The following USH2A variants were observed in gnomAD, a reference collection of about 807,000 sequenced individuals.
The protein encoded by USH2A is usherin.
A neutral mutation model predicts 538.9 loss-of-function variants in USH2A; 443 were observed. That is an observed-to-expected ratio of 0.82 (90% CI 0.76 to 0.89). The LOEUF (loss-of-function observed/expected upper bound fraction) is 0.89. Among genes scored for constraint, USH2A ranks in the 40% least tolerant of loss-of-function variants. The pLI is 0.00. For missense variants in USH2A, 6,633 were observed against 6,324.8 expected (o/e 1.05, Z -1.65); for synonymous variants, 2,413 against 2,273.5 (o/e 1.06, Z -1.75).
rs770198103 is a variant in USH2A at position 215,758,632 on chromosome 1, A to C, written c.11352T>G (p.Ile3784Met). 8 of 1,613,662 alleles carry C rather than the reference A, an allele frequency of 5.0e-6. No homozygotes were observed. In the South Asian group the frequency reaches 8.8e-5, roughly 18 times the overall value. ...AAGCTACAAATATAGAATAAGGCCC[A>C]ATTACTGTGATATTATATGGAGGAT... ...EIYPPYNITVIGPYSIFVAWI... is the reference protein window; with the variant it reads ...EIYPPYNITVMGPYSIFVAWI... Residue 3784 changes from isoleucine (I) to methionine (M), a missense_variant, in exon 58 of 72, where the codon ATT (isoleucine) becomes ATG (methionine). Physicochemically the swap from Ile to Met is conservative, Grantham distance 10 (BLOSUM62 1). Transcript: ENST00000307340.
intron 38 of USH2A, 109 bp downstream of exon 38, chr1:215,934,507 C>T (rs1666441336): frequency 2.7e-6 from 3 of 1,128,756 alleles, no homozygotes; most frequent in Non-Finnish European, 3.8e-6. Context: ...ACAATTGAGC[C>T]TCTAAGTTCT....
chr1:216,033,058 T>G (rs932131408), intron 32 of USH2A, among the ~76,000 whole-genome samples: 1 of 152,158 alleles, frequency 6.6e-6, no homozygotes, highest in Admixed American at 6.5e-5. Flanking sequence ...CAATCTGCCA[T>G]GATGATCTCT....
At chr1:215,937,743 T>C (rs1666541236) in intron 37 of USH2A, among the ~76,000 whole-genome samples, 1 of 152,284 alleles carries the variant, frequency 6.6e-6, no homozygotes, top group African/African-American at 2.4e-5. Context: ...TTATAAAAGA[T>C]TGAAATTTGT....
chr1:215,712,170 A>G (rs1175477663), intron 61 of USH2A, among the ~76,000 whole-genome samples: 1 of 152,194 alleles, frequency 6.6e-6, no homozygotes, highest in Non-Finnish European at 1.5e-5. Context: ...GTAGGCCAGG[A>G]AGGAAGAAAA....
At chr1:216,135,162 T>TCACACACA (rs1227457092) in intron 21 of USH2A, among the ~76,000 whole-genome samples, 7 of 58,668 alleles carry the variant, frequency 1.2e-4, no homozygotes, top group African/African-American at 5.7e-4. Context: ...TCTCTCTCTC[T>TCACACACA]CTCTCACACA....
At chr1:216,409,483 C>T (rs893377492) in intron 3 of USH2A, among the ~76,000 whole-genome samples, 3 of 152,090 alleles carry the variant, frequency 2.0e-5, no homozygotes, top group African/African-American at 7.2e-5. Context: ...GCAAACTATA[C>T]TACAGGGCTA....
chr1:216,344,858 C>T (rs1422757443), intron 4 of USH2A, among the ~76,000 whole-genome samples: 2 of 151,086 alleles, frequency 1.3e-5, no homozygotes, highest in East Asian at 3.9e-4. Context: ...TAAAGTCCCT[C>T]TCAGCTAATA....
At chr1:216,321,436 G>T (rs1171617613) in intron 9 of USH2A, among the ~76,000 whole-genome samples, 2 of 152,058 alleles carry the variant, frequency 1.3e-5, no homozygotes, top group Non-Finnish European at 2.9e-5. Flanking sequence ...CCTGATATTA[G>T]CAATAAATGA....
chr1:215,971,062 C>T (rs192959316), intron 35 of USH2A, among the ~76,000 whole-genome samples: 26 of 152,202 alleles, frequency 1.7e-4, no homozygotes, highest in African/African-American at 5.5e-4. Context: ...ATGTGTGTTC[C>T]AGATCAAAAA....
intron 35 of USH2A, among the ~76,000 whole-genome samples, chr1:215,971,991 G>A (rs868422176): frequency 4.6e-5 from 7 of 152,162 alleles, no homozygotes; most frequent in Non-Finnish European, 7.3e-5. Context: ...TATTGGTAAT[G>A]AAAGGTGGTG....
At chr1:216,281,866 T>TG (rs35358688) in intron 11 of USH2A, among the ~76,000 whole-genome samples, 1 of 14,088 alleles carries the variant, frequency 7.1e-5, no homozygotes, top group East Asian at 2.8e-3. Flanking sequence ...TTTTTGTCTG[T>TG]TTTTTTTTTT....
At chr1:216,162,008 T>C (rs1187403874) in intron 21 of USH2A, among the ~76,000 whole-genome samples, 4 of 152,154 alleles carry the variant, frequency 2.6e-5, no homozygotes, top group East Asian at 1.9e-4. Context: ...TTGACTGTAA[T>C]ATACCTGGAT....
intron 11 of USH2A, among the ~76,000 whole-genome samples, chr1:216,258,402 T>C (rs930681410): frequency 6.6e-6 from 1 of 152,094 alleles, no homozygotes; most frequent in Non-Finnish European, 1.5e-5. Flanking sequence ...ATTGTTACTT[T>C]TAATAATTGA....
intron 58 of USH2A, among the ~76,000 whole-genome samples, chr1:215,757,688 G>A (rs1338900185): frequency 1.3e-5 from 2 of 152,140 alleles, no homozygotes; most frequent in East Asian, 3.9e-4. Context: ...CAGTATTAAT[G>A]CAGTCAGGAT....
At chr1:215,629,885 C>G in intron 70 of USH2A, 1 of 275,960 alleles carries the variant, frequency 3.6e-6, no homozygotes, top group Non-Finnish European at 7.1e-6. Flanking sequence ...ACGCCATTCT[C>G]CTGCCTCAGC....
Position 215,650,885 on chromosome 1 carries a change from G to C in USH2A, c.14134-84C>G, listed in dbSNP as rs1030400932. On this transcript the variant is annotated intron_variant, in intron 64 of 71. Coordinates refer to ENST00000307340, the MANE Select transcript of USH2A (RefSeq NM_206933.4). ...AAAAAAAAAAGAAAGGAAAAAAAAC[G>C]AAATTGGCAACCAAAAGCAACTAAA... 2.0e-6 allele frequency: 3 copies of C among 1,495,332 alleles called. No homozygotes were observed. In the African/African-American group the frequency reaches 4.3e-5, roughly 21 times the overall value. 92.6% of individuals were successfully genotyped at this position (1,495,332 alleles called of 1,614,324 possible).
chr1:215,966,124 G>A (rs987265357), intron 36 of USH2A, among the ~76,000 whole-genome samples: 1 of 152,122 alleles, frequency 6.6e-6, no homozygotes, highest in East Asian at 1.9e-4. Context: ...AATATTGATT[G>A]TGTTAATGAA....
At chr1:216,126,300 T>C (rs940961901) in intron 21 of USH2A, among the ~76,000 whole-genome samples, 3 of 152,120 alleles carry the variant, frequency 2.0e-5, no homozygotes, top group African/African-American at 7.2e-5. Flanking sequence ...CTCAGCTCAG[T>C]GCTACCTCCA....
intron 37 of USH2A, among the ~76,000 whole-genome samples, chr1:215,956,440 C>T (rs905895454): frequency 1.3e-5 from 2 of 152,076 alleles, no homozygotes; most frequent in African/African-American, 4.8e-5. Flanking sequence ...TTATGCAAAG[C>T]CTTCCAAAGC....
Sources: allele counts gnomAD v4.1 joint callset (sites outside exome capture counted in the v4.1 genomes callset), GRCh38; gene constraint gnomAD v4.1.1; transcripts MANE v1.5; gene names NCBI Gene and HGNC (gene_info 2026-07-23, HGNC 2026-07-21).